Variants in HS3ST4 observed in about 807,000 individuals in gnomAD.
The protein encoded by HS3ST4 is heparan sulfate glucosamine 3-O-sulfotransferase 4.
Under a neutral mutation model 29.2 loss-of-function variants are expected in HS3ST4, and 17 were observed. That is an observed-to-expected ratio of 0.58 (90% CI 0.40 to 0.87). The LOEUF is 0.87. HS3ST4 is among the 40% of genes least tolerant of loss of function. HS3ST4 has a pLI of 0.00. For synonymous variants in HS3ST4, 314 were observed against 285.7 expected (o/e 1.10, Z -1.00); for missense variants, 627 against 634.5 (o/e 0.99, Z 0.13).
At chr16:26,062,349 C>G (rs1450064299) in intron 1 of HS3ST4, among the ~76,000 whole-genome samples, 1 of 152,190 alleles carries the variant, frequency 6.6e-6, no homozygotes, top group Non-Finnish European at 1.5e-5. Flanking sequence ...ATAACTTTGT[C>G]AACAGTGCTT....
intron 1 of HS3ST4, among the ~76,000 whole-genome samples, chr16:25,788,833 C>T (rs1202923933): frequency 6.6e-6 from 1 of 152,034 alleles, no homozygotes; most frequent in Non-Finnish European, 1.5e-5. Context: ...AGCCATCATG[C>T]CTGACTTCCT....
intron 1 of HS3ST4, among the ~76,000 whole-genome samples, chr16:25,906,213 G>T (rs985511574): frequency 6.6e-6 from 1 of 152,148 alleles, no homozygotes; most frequent in Non-Finnish European, 1.5e-5. Context: ...CCTTCTCTTT[G>T]TGGGAGGCAG....
intron 1 of HS3ST4, among the ~76,000 whole-genome samples, chr16:25,792,369 C>A (rs1452584026): frequency 6.6e-6 from 1 of 151,672 alleles, no homozygotes; most frequent in Non-Finnish European, 1.5e-5. Flanking sequence ...TCGTGAAAAA[C>A]TGGTGTTAAA....
rs149451006 is a variant in HS3ST4 at position 25,896,051 on chromosome 16, C to T, written c.734+202900C>T. On this transcript the variant is annotated intron_variant, in intron 1 of 1. Transcript: ENST00000331351. ...GCTGGGCTAGGCTCCACATCATGTC[C>T]CTCTGGACCCCACCCTTGACCAACA... Among the ~76,000 whole-genome samples the T allele has an allele frequency of 1.8e-3, 279 of 152,234 alleles. 2 individuals are homozygous for T. Among genetic ancestry groups the T allele is most frequent in the African/African-American group, 6.2e-3 (258 of 41,534 alleles).
At chr16:26,015,706 G>A (rs913974519) in intron 1 of HS3ST4, among the ~76,000 whole-genome samples, 1 of 152,170 alleles carries the variant, frequency 6.6e-6, no homozygotes, top group Admixed American at 6.5e-5. Flanking sequence ...TCATCTGAGG[G>A]TCCAAGCACA....
At chr16:26,034,869 G>T (rs890783492) in intron 1 of HS3ST4, among the ~76,000 whole-genome samples, 1 of 152,180 alleles carries the variant, frequency 6.6e-6, no homozygotes, top group Non-Finnish European at 1.5e-5. Flanking sequence ...TGTAGTCCCA[G>T]CTACTTGGGA....
chr16:26,091,470 C>T lies in HS3ST4; in HGVS notation c.735-44142C>T, dbSNP rs555199945. On this transcript the variant is annotated intron_variant, in intron 1 of 1. Coordinates refer to ENST00000331351, the MANE Select transcript of HS3ST4 (RefSeq NM_006040.3). ...AAGAGCTTGGCCATCTGCTTCTTGC[C>T]GTTCCAAGGTGTTATTTGCTCCTGT... Among the ~76,000 whole-genome samples the T allele has an allele frequency of 2.0e-4, 31 of 152,208 alleles. No individual in the cohort carries two copies. The South Asian group carries it at 6.2e-3, about 31-fold the overall frequency.
intron 1 of HS3ST4, among the ~76,000 whole-genome samples, chr16:25,699,926 T>C (rs1490708179): frequency 6.6e-6 from 1 of 152,220 alleles, no homozygotes; most frequent in African/African-American, 2.4e-5. Flanking sequence ...AATGTCTCTC[T>C]CCTCTTCTTT....
Position 25,733,994 on chromosome 16 carries a change from G to A in HS3ST4, c.734+40843G>A, listed in dbSNP as rs143681524. 6.1e-3 allele frequency among the ~76,000 whole-genome samples: 923 copies of A among 152,302 alleles called. 11 individuals carry two copies. The highest frequency in any genetic ancestry group is 0.021 in the African/African-American group (874 of 41,558). On this transcript the variant is annotated intron_variant, in intron 1 of 1. Coordinates refer to ENST00000331351, the MANE Select transcript of HS3ST4 (RefSeq NM_006040.3). ...TAGTTGGGAGTGGTGGCATGCACCT[G>A]TAGTCCCAGCTACTTGGGAGGCTGA...
chr16:25,731,125 T>C (rs1000857112), intron 1 of HS3ST4, among the ~76,000 whole-genome samples: 2 of 150,916 alleles, frequency 1.3e-5, no homozygotes, highest in African/African-American at 4.9e-5. Context: ...AGGCTTGGTG[T>C]CCCGAAATTT....
intron 1 of HS3ST4, among the ~76,000 whole-genome samples, chr16:25,794,212 C>T (rs1966876669): frequency 6.6e-6 from 1 of 152,062 alleles, no homozygotes; most frequent in Non-Finnish European, 1.5e-5. Context: ...TAGGCTTTTG[C>T]ATGATCATTG....
intron 1 of HS3ST4, among the ~76,000 whole-genome samples, chr16:25,884,021 G>T (rs1967921513): frequency 6.6e-6 from 1 of 152,072 alleles, no homozygotes; most frequent in Admixed American, 6.5e-5. Context: ...GCTGAGGCGG[G>T]AGAATTGCTT....
At chr16:25,694,763 T>A (rs148047687) in intron 1 of HS3ST4, among the ~76,000 whole-genome samples, 1 of 150,424 alleles carries the variant, frequency 6.6e-6, no homozygotes, top group African/African-American at 2.5e-5. Context: ...ATGAGGGTAA[T>A]TGCGTTTTTT....
At chr16:25,991,085 T>C (rs926098381) in intron 1 of HS3ST4, among the ~76,000 whole-genome samples, 1 of 148,770 alleles carries the variant, frequency 6.7e-6, no homozygotes, top group African/African-American at 2.6e-5. Context: ...AGTCCTCTTA[T>C]CATCAATAAC....
intron 1 of HS3ST4, among the ~76,000 whole-genome samples, chr16:26,033,001 C>A (rs1361273666): frequency 6.6e-6 from 1 of 152,128 alleles, no homozygotes; most frequent in Non-Finnish European, 1.5e-5. Flanking sequence ...CTAGCTCAGG[C>A]ATTTCTTTAC....
At chr16:25,799,957 C>T (rs1966915401) in intron 1 of HS3ST4, among the ~76,000 whole-genome samples, 1 of 152,000 alleles carries the variant, frequency 6.6e-6, no homozygotes, top group East Asian at 1.9e-4. Context: ...CTCAAGTGAT[C>T]CTTCCGCATA....
At chr16:25,738,660 A>G (rs1966629196) in intron 1 of HS3ST4, among the ~76,000 whole-genome samples, 1 of 152,098 alleles carries the variant, frequency 6.6e-6, no homozygotes, top group South Asian at 2.1e-4. Flanking sequence ...CTGCCCCTCA[A>G]TGCCTGTTTC....
intron 1 of HS3ST4, among the ~76,000 whole-genome samples, chr16:26,056,502 G>T (rs1188372570): frequency 6.6e-6 from 1 of 152,318 alleles, no homozygotes; most frequent in East Asian, 1.9e-4. Context: ...GGAGCAGGGG[G>T]CACAGAAGTG....
chr16:25,710,786 A>G (rs1372064888), intron 1 of HS3ST4, among the ~76,000 whole-genome samples: 1 of 135,140 alleles, frequency 7.4e-6, no homozygotes, highest in Non-Finnish European at 1.6e-5. Flanking sequence ...AATTTCCAGC[A>G]GTTGTGCTTT....
Sources: allele counts gnomAD v4.1 joint callset (sites outside exome capture counted in the v4.1 genomes callset), GRCh38; gene constraint gnomAD v4.1.1; transcripts MANE v1.5; gene names NCBI Gene and HGNC (gene_info 2026-07-23, HGNC 2026-07-21).